The following SYCE1 variants were observed in gnomAD, a reference collection of about 807,000 sequenced individuals.
SYCE1 encodes synaptonemal complex central element protein 1, also known as cancer/testis antigen 76.
SYCE1 carries 37 observed loss-of-function variants against 55.1 expected under a neutral mutation model. The observed-to-expected ratio is 0.67, with a 90% CI of 0.52 to 0.88. SYCE1 has a LOEUF of 0.88. Ranked by LOEUF, SYCE1 falls within the 40% of genes least tolerant of loss-of-function variation. The pLI is 0.00. For synonymous variants in SYCE1, 163 were observed against 159.4 expected, an observed-to-expected ratio of 1.02 and a Z score of -0.17; for missense variants, 399 against 416.4, an observed-to-expected ratio of 0.96 and a Z score of 0.36.
At chr10:133,556,347 G>A (rs553044284) in intron 8 of SYCE1, 15 of 546,892 alleles carry the variant, frequency 2.7e-5, no homozygotes, top group Admixed American at 9.5e-5. Context: ...ATCAGGTACC[G>A]GTTTAGCTCT....
In SYCE1 at chr10:133,557,078, C is replaced by G. The variant is rs1851702273; in HGVS notation, c.453G>C (p.Gln151His). 6.2e-7 allele frequency: 1 copy of G among 1,614,020 alleles called. No individual in the cohort carries two copies. The highest frequency in any genetic ancestry group is 8.5e-7 in the Non-Finnish European group (1 of 1,180,006). ...ATGCTAAGGTTTACCTCAGCTGTCTCTGTTTGTTCTTCTCTTCTTCAATCT... is the reference window on the plus strand; with the variant it reads ...ATGCTAAGGTTTACCTCAGCTGTCTGTGTTTGTTCTTCTCTTCTTCAATCT... ...NLQIEEEKNK[Q>H]RQLRLAFEEQ... Residue 151 changes from glutamine (Q) to histidine (H), a missense_variant, in exon 7 of 13, where the codon CAG (glutamine) becomes CAC (histidine). By Grantham distance (24) the Gln-to-His change is conservative. Transcript: ENST00000343131.
upstream of SYCE1, among the ~76,000 whole-genome samples, chr10:133,567,089 G>T (rs1851961158): frequency 6.6e-6 from 1 of 151,682 alleles, no homozygotes; most frequent in African/African-American, 2.4e-5. Context: ...CTAGCATTAG[G>T]GTAGGGGTTA....
At chr10:133,554,764 T>A, downstream of SYCE1, 1 of 1,430,228 alleles carries the variant, frequency 7.0e-7, no homozygotes, top group Non-Finnish European at 9.4e-7. Context: ...GGGCCCACTG[T>A]GAGAGCGTCT....
chr10:133,559,812 G>A (rs932572212), intron 2 of SYCE1: 46 of 469,636 alleles, frequency 9.8e-5, no homozygotes, highest in African/African-American at 6.6e-4. Context: ...AAGTGAAGGC[G>A]GCAACTTCTG....
downstream of SYCE1, chr10:133,554,164 G>T: frequency 1.2e-6 from 1 of 801,270 alleles, no homozygotes; most frequent in Non-Finnish European, 2.1e-6. Context: ...TTGCCAGTTT[G>T]TTTAAGACAG....
Position 133,558,225 on chromosome 10 carries a change from G to A in SYCE1, c.272-11C>T, listed in dbSNP as rs1162959645. ...CTTTCTCTCCATGCACTAGAAAACA[G>A]TGACACATTTTGGCATCAGGGACTA... is the stretch of plus-strand genomic sequence containing the variant. On this transcript the variant is annotated splice_polypyrimidine_tract_variant and intron_variant, in intron 4 of 12. Transcript: ENST00000343131. 1 of 1,614,162 alleles carries A rather than the reference G, an allele frequency of 6.2e-7. No homozygotes were observed. Among genetic ancestry groups the A allele is most frequent in the South Asian group, 1.1e-5 (1 of 91,078 alleles).
downstream of SYCE1, chr10:133,554,731 T>C (rs192998121): frequency 2.4e-5 from 23 of 975,136 alleles, no homozygotes; most frequent in Admixed American, 3.4e-4. Context: ...TATGTGTGTA[T>C]GCAGGTGGGT....
intron 6 of SYCE1, chr10:133,557,399 C>G (rs567504701): frequency 1.9e-6 from 1 of 538,046 alleles, no homozygotes; most frequent in Non-Finnish European, 3.3e-6. Flanking sequence ...AGTATCATCT[C>G]GTTTTCCCAA....
downstream of SYCE1, chr10:133,554,285 T>C (rs1460877588): frequency 6.2e-7 from 1 of 1,613,840 alleles, no homozygotes; most frequent in African/African-American, 1.3e-5. Flanking sequence ...AGTGAGCCTC[T>C]CTCTTCAACT....
upstream of SYCE1, chr10:133,568,065 C>T: frequency 1.5e-6 from 1 of 654,106 alleles, no homozygotes. Flanking sequence ...GCCCGGGGGC[C>T]AGATGTGGTC....
rs1851636803 is a variant in SYCE1 at position 133,555,427 on chromosome 10, T to C, written c.842A>G (p.Glu281Gly). 6.2e-7 allele frequency: 1 copy of C among 1,613,928 alleles called. No homozygotes were observed. The highest frequency in any genetic ancestry group is 8.5e-7 in the Non-Finnish European group (1 of 1,180,030). The change falls in exon 12 of 13, where the codon GAG becomes GGG. Residue 281 changes from glutamate to glycine, a missense_variant. Physicochemically the swap from Glu to Gly is moderately conservative, Grantham distance 98 (BLOSUM62 -2). Coordinates refer to ENST00000343131, the MANE Select transcript of SYCE1 (RefSeq NM_001143764.3). ...QQQKRQRLKE[E>G]LEKHGMQVPA... ...GACTTGCATTCCATGCTTTTCCAGC[T>C]CTTCCTTCAGCCTGGACAGGAAGAG...
Position 133,555,144 on chromosome 10 carries a change from T to C in SYCE1, c.919-15A>G. The C allele has an allele frequency of 6.5e-7, 1 of 1,542,034 alleles. No individual in the cohort carries two copies. Among genetic ancestry groups the C allele is most frequent in the Non-Finnish European group, 8.7e-7 (1 of 1,143,444 alleles). ...TTGGGACTGGCCTGCAGGAGGTTAGTGTCCAGGGTGGGAATTTACACCCAT... is the reference window on the plus strand; with the variant it reads ...TTGGGACTGGCCTGCAGGAGGTTAGCGTCCAGGGTGGGAATTTACACCCAT... On this transcript the variant is annotated splice_polypyrimidine_tract_variant and intron_variant, in intron 12 of 12. Coordinates refer to ENST00000343131, the MANE Select transcript of SYCE1 (RefSeq NM_001143764.3).
intron 1 of SYCE1, chr10:133,561,019 T>C (rs1851804170): frequency 6.6e-6 from 1 of 152,174 alleles, no homozygotes; most frequent in Admixed American, 6.5e-5. Context: ...ATCATTGCTT[T>C]GAGTTGTCCC....
intron 1 of SYCE1, among the ~76,000 whole-genome samples, chr10:133,564,103 C>T (rs1231516039): frequency 3.3e-5 from 5 of 152,198 alleles, no homozygotes; most frequent in South Asian, 4.2e-4. Flanking sequence ...ATGTTGAAAT[C>T]CTAACCCCCT....
At chr10:133,556,373 T>C (rs909233555) in intron 8 of SYCE1, 10 of 527,446 alleles carry the variant, frequency 1.9e-5, no homozygotes, top group African/African-American at 1.9e-4. Flanking sequence ...TCCTCCCCAC[T>C]CCCCTCTGTC....
chr10:133,556,216 T>C, intron 8 of SYCE1, 169 bp from the exon 9 acceptor site: 1 of 688,322 alleles, frequency 1.5e-6, no homozygotes, highest in Non-Finnish European at 2.4e-6. Flanking sequence ...CACTGGCCAT[T>C]CCCTCCCTGT....
chr10:133,566,236 C>T (rs746212090), upstream of SYCE1, among the ~76,000 whole-genome samples: 12 of 152,322 alleles, frequency 7.9e-5, no homozygotes, highest in Non-Finnish European at 1.6e-4. Flanking sequence ...AGCCCTTCAC[C>T]GGCCAGGGGA....
intron 3 of SYCE1, 125 bp from the exon 4 acceptor site, chr10:133,559,076 C>T (rs1851759638): frequency 1.8e-6 from 2 of 1,083,168 alleles, no homozygotes; most frequent in Admixed American, 5.5e-5. Context: ...GGAAACGAGG[C>T]TTCCAGCTCT....
upstream of SYCE1, among the ~76,000 whole-genome samples, chr10:133,567,584 A>G (rs1441461994): frequency 6.6e-6 from 1 of 151,966 alleles, no homozygotes; most frequent in Non-Finnish European, 1.5e-5. Context: ...CTTCCCCCCA[A>G]ATTCTTAAGT....
Sources: gnomAD v4.1 joint callset for allele counts (sites outside exome capture counted in the v4.1 genomes callset) on GRCh38, gnomAD v4.1.1 for gene constraint, MANE v1.5 for transcripts, NCBI Gene and HGNC (gene_info 2026-07-23, HGNC 2026-07-21) for gene names.